USP36: variants seen among roughly 807,000 people sequenced by gnomAD.
USP36 encodes ubiquitin specific peptidase 36.
In USP36, 59 loss-of-function variants were observed where a neutral mutation model predicts 111.5. That is an observed-to-expected ratio of 0.53 (90% CI 0.43 to 0.66). The LOEUF (loss-of-function observed/expected upper bound fraction) is 0.66, where lower values mean the gene tolerates loss of function less well. Ranked by LOEUF, USP36 falls within the 30% of genes least tolerant of loss-of-function variation. USP36 has a pLI of 0.00. For missense variants in USP36, 1,488 were observed against 1,468.0 expected (o/e 1.01, Z -0.22); for synonymous variants, 628 against 581.0 (o/e 1.08, Z -1.16).
intron 13 of USP36, among the ~76,000 whole-genome samples, chr17:78,812,417 C>G (rs548159673): frequency 6.6e-6 from 1 of 152,050 alleles, no homozygotes; most frequent in South Asian, 2.1e-4. Context: ...TGGCCGGGCG[C>G]GGTGGCTCAT....
intron 4 of USP36, 49 bp downstream of exon 4, chr17:78,835,231 C>T: frequency 1.9e-6 from 3 of 1,579,908 alleles, no homozygotes; most frequent in East Asian, 2.2e-5. Context: ...ATGGGCTTAT[C>T]TAATCCAGAG....
chr17:78,834,966 G>A (rs915343731), intron 4 of USP36, among the ~76,000 whole-genome samples: 2 of 144,784 alleles, frequency 1.4e-5, no homozygotes, highest in South Asian at 4.3e-4. Context: ...GGGTGTCAGA[G>A]CAAGATACTG....
At chr17:78,806,883 C>T (rs943674505) in intron 14 of USP36, 76 bp downstream of exon 14, 31 of 1,550,352 alleles carry the variant, frequency 2.0e-5, no homozygotes, top group Non-Finnish European at 2.5e-5. Context: ...AATGTTCTCA[C>T]TCCCTTCAAA....
chr17:78,823,044 C>T, intron 6 of USP36: 1 of 398,734 alleles, frequency 2.5e-6, no homozygotes, highest in Non-Finnish European at 4.4e-6. Flanking sequence ...TCCACACCCG[C>T]AGGCTACACT....
chr17:78,810,373 A>C (rs946231241), intron 13 of USP36, among the ~76,000 whole-genome samples: 2 of 151,928 alleles, frequency 1.3e-5, no homozygotes, highest in East Asian at 3.9e-4. Context: ...CTCCAGCCTT[A>C]ATCTCCCTGG....
At position 78,799,653 on chromosome 17, in the gene USP36, C is replaced by G. The variant is rs1204181102; in HGVS notation, c.3124+14G>C. Reference sequence around the variant, plus strand: ...AATGAAAGGCAAACAGAAGTCCTGTCTCCAAATCAGTACCTTTTCTCCCGT... The same window carrying G: ...AATGAAAGGCAAACAGAAGTCCTGTGTCCAAATCAGTACCTTTTCTCCCGT... On this transcript the variant is annotated intron_variant, in intron 18 of 20. Coordinates refer to ENST00000449938, the MANE Select transcript of USP36 (RefSeq NM_001385174.1). 1 of 1,611,154 alleles carries G rather than the reference C, an allele frequency of 6.2e-7. No homozygotes were observed. The highest frequency in any genetic ancestry group is 1.3e-5 in the African/African-American group (1 of 74,780).
intron 10 of USP36, among the ~76,000 whole-genome samples, chr17:78,815,594 A>T (rs2145279836): frequency 6.6e-6 from 1 of 152,326 alleles, no homozygotes; most frequent in South Asian, 2.1e-4. Context: ...GATCTTCAGA[A>T]ATAAAAGTGC....
rs771538294 is a variant in USP36 at position 78,807,373 on chromosome 17, G to A, written c.1671C>T (p.Ser557=). The change falls in exon 14 of 21, where the codon AGC becomes AGT. Residue 557 remains serine, a synonymous_variant. Transcript: ENST00000449938. ...TCCCAGATCTGCTGCTATTCGAGTT[G>A]CTGGTCCCAGGCAGCCCCTGAGCAG... ...PRTAQGLPGT[S]NSNSSRSGSQ... The A allele has an allele frequency of 5.6e-6, 9 of 1,614,098 alleles. No homozygotes were observed. In the African/African-American group the frequency reaches 8.0e-5, roughly 14 times the overall value.
At chr17:78,789,855 C>G (rs2093567881) in intron 3 of USP36, among the ~76,000 whole-genome samples, 1 of 152,198 alleles carries the variant, frequency 6.6e-6, no homozygotes, top group African/African-American at 2.4e-5. Context: ...GCGGGTAGGG[C>G]TCAGGGAAGG....
In USP36 at chr17:78,813,303, C is replaced by T. The variant is rs74363680; in HGVS notation, c.1266-302G>A. Among the ~76,000 whole-genome samples the T allele has an allele frequency of 2.8e-4, 42 of 152,152 alleles. No individual in the cohort carries two copies. The East Asian group carries it at 6.6e-3, about 24-fold the overall frequency. ...ACACCTCAGCCACACTCTGCAGAGA[C>T]GTACAAAGCAGCAAAAATGCCTCAG... On this transcript the variant is annotated intron_variant, in intron 12 of 20. Coordinates refer to ENST00000449938, the MANE Select transcript of USP36 (RefSeq NM_001385174.1).
intron 2 of USP36, among the ~76,000 whole-genome samples, 156 bp downstream of exon 2, chr17:78,838,431 A>T (rs546624698): frequency 1.3e-4 from 19 of 151,876 alleles, no homozygotes; most frequent in South Asian, 8.3e-4. Context: ...AAGCTTATTT[A>T]AAAAAAAGCA....
intron 13 of USP36, 70 bp downstream of exon 13, chr17:78,812,782 GCCAACTTC>G (rs1422708193): frequency 6.5e-7 from 1 of 1,539,696 alleles, no homozygotes; most frequent in Non-Finnish European, 8.9e-7. Flanking sequence ...TTCCACTGTG[GCCAACTTC>G]CCAAGTGTGA....
rs1274608536 is a variant in USP36 at position 78,818,774 on chromosome 17, T to C, written c.916A>G (p.Lys306Glu). 3 of 1,613,812 alleles carry C rather than the reference T, an allele frequency of 1.9e-6. No individual in the cohort carries two copies. Among genetic ancestry groups the C allele is most frequent in the Non-Finnish European group, 2.5e-6 (3 of 1,179,864 alleles). ...GENAYMCAKCKKKVPASKRFT... is the reference protein window; with the variant it reads ...GENAYMCAKCEKKVPASKRFT... ...CGCTTGCTGGCTGGAACCTTCTTCT[T>C]GCATCTATGAAGAAGGTGATGAGAA... Residue 306 changes from lysine to glutamate, a missense_variant, in exon 10 of 21, where the codon AAG (lysine) becomes GAG (glutamate). Transcript: ENST00000449938.
Position 78,796,958 on chromosome 17 carries a change from C to G in USP36, c.*942G>C, listed in dbSNP as rs2093638458. 6.6e-6 allele frequency: 1 copy of G among 152,220 alleles called. No individual in the cohort carries two copies. Among genetic ancestry groups the G allele is most frequent in the Non-Finnish European group, 1.5e-5 (1 of 68,052 alleles). The allele number at this position is 152,220 out of a possible 1,614,324, so 9.4% of individuals were successfully genotyped here. On this transcript the variant is annotated 3_prime_UTR_variant, in exon 21 of 21. Transcript: ENST00000449938. The stretch of plus-strand genomic sequence containing the variant: ...TTGAGCAACATAGAAAAGTAATCTT[C>G]TTGAGTTATACAATCATTTAAATTC...
intron 2 of USP36, 80 bp from the exon 3 acceptor site, chr17:78,836,452 T>TCACGC: frequency 1.3e-6 from 2 of 1,522,878 alleles, no homozygotes; most frequent in Non-Finnish European, 1.8e-6. Flanking sequence ...TCCTCTTTGG[T>TCACGC]CATTATGGAT....
At chr17:78,814,181 C>T (rs542048581) in intron 11 of USP36, among the ~76,000 whole-genome samples, 37 of 152,288 alleles carry the variant, frequency 2.4e-4, no homozygotes, top group African/African-American at 8.4e-4. Context: ...GCACCAGAAG[C>T]GGCTGCCTCT....
At chr17:78,790,348 T>C (rs1056563137) in intron 3 of USP36, among the ~76,000 whole-genome samples, 2 of 152,164 alleles carry the variant, frequency 1.3e-5, no homozygotes, top group African/African-American at 4.8e-5. Flanking sequence ...TGGAGCACAA[T>C]GGCGCGGTCT....
chr17:78,805,608 TAA>T (rs2093876803), intron 15 of USP36, among the ~76,000 whole-genome samples: 2 of 152,114 alleles, frequency 1.3e-5, no homozygotes, highest in Non-Finnish European at 2.9e-5. Context: ...TCGAGGCACC[TAA>T]GAGACGCAGG....
rs554948916 is a variant in USP36, at chr17:78,836,548, T to TG, written c.-9-177dup. On this transcript the variant is annotated intron_variant, in intron 2 of 20. Transcript: ENST00000449938. ...ACAGGGAGACCCAGCACTAATCACT[T>TG]GGACATATTAGTTCACATTTCCCCC... 5.4e-4 allele frequency among the ~76,000 whole-genome samples: 82 copies of TG among 152,226 alleles called. 1 individual carries two copies. In the South Asian group the frequency reaches 0.012, roughly 22 times the overall value.
Sources: allele counts gnomAD v4.1 joint callset (sites outside exome capture counted in the v4.1 genomes callset), GRCh38; gene constraint gnomAD v4.1.1; transcripts MANE v1.5; gene names NCBI Gene and HGNC (gene_info 2026-07-23, HGNC 2026-07-21).